Variants in COQ6 observed in about 807,000 individuals in gnomAD.
COQ6 encodes coenzyme Q6, monooxygenase.
In COQ6, 45 loss-of-function variants were observed where a neutral mutation model predicts 55.5. The observed-to-expected ratio is 0.81, with a 90% CI of 0.64 to 1.04. COQ6 has a LOEUF of 1.04. Among genes scored for constraint, COQ6 ranks in the 50% least tolerant of loss-of-function variants. The pLI is 0.00. For synonymous variants in COQ6, 206 were observed against 230.5 expected, an observed-to-expected ratio of 0.89 and a Z score of 0.96; for missense variants, 550 against 601.3, an observed-to-expected ratio of 0.91 and a Z score of 0.89.
chr14:73,952,951 C>T (rs2056257527), intron 1 of COQ6, among the ~76,000 whole-genome samples: 1 of 152,208 alleles, frequency 6.6e-6, no homozygotes, highest in Non-Finnish European at 1.5e-5. Flanking sequence ...GCTGGGATTA[C>T]AGGTGTGAGC....
In COQ6 at chr14:73,961,333, G is replaced by T. The variant is rs767306695; in HGVS notation, c.1052G>T (p.Gly351Val). 6.2e-7 allele frequency: 1 copy of T among 1,614,234 alleles called. No individual in the cohort carries two copies. The highest frequency in any genetic ancestry group is 2.2e-5 in the East Asian group (1 of 44,880). The change falls in exon 9 of 12, where the codon GGA becomes GTA. Residue 351 changes from glycine (G) to valine (V), a missense_variant. By Grantham distance (109) the Gly-to-Val change is moderately radical (BLOSUM62 -3). Transcript: ENST00000334571. ...CGAGTTCTGTTTCCTCTTGGGTTGG[G>T]ACATGCTGCTGAGTACGTCAGGCCT... ...KSRVLFPLGL[G>V]HAAEYVRPRV...
intron 2 of COQ6, among the ~76,000 whole-genome samples, chr14:73,954,987 T>C (rs1425979303): frequency 2.1e-5 from 3 of 142,680 alleles, no homozygotes; most frequent in African/African-American, 7.8e-5. Context: ...AGTCTCGCTC[T>C]GTTGCCCAGG....
chr14:73,950,417 G>A lies in COQ6; in HGVS notation c.85G>A (p.Gly29Ser), dbSNP rs1312822736. Residue 29 changes from glycine (G) to serine (S), a missense_variant, in exon 1 of 12, where the codon GGC (glycine) becomes AGC (serine). Physicochemically the swap from Gly to Ser is moderately conservative, Grantham distance 56. Transcript: ENST00000334571. ...GCTGGTGTCCTGGCGCAGGTGGTCC[G>A]GCGCCTCAACAGACACCGTGTATGA... is the stretch of plus-strand genomic sequence containing the variant. ...GPLVSWRRWS[G>S]ASTDTVYDVV... 1.9e-6 allele frequency: 3 copies of A among 1,600,540 alleles called. No individual in the cohort carries two copies. The highest frequency in any genetic ancestry group is 1.1e-5 in the South Asian group (1 of 88,782).
rs1026983555 is a variant in COQ6, at chr14:73,950,682, C to G, written c.163+187C>G. ...GTGGTCCTTCAGGGTCCATTAGGGTCAAAAGTGGGAGGGGCGTTCAGAGTC... is the reference window on the plus strand; with the variant it reads ...GTGGTCCTTCAGGGTCCATTAGGGTGAAAAGTGGGAGGGGCGTTCAGAGTC... On this transcript the variant is annotated intron_variant, in intron 1 of 11. Coordinates refer to ENST00000334571, the MANE Select transcript of COQ6 (RefSeq NM_182476.3). The G allele has an allele frequency of 2.2e-5, 19 of 858,930 alleles. No individual in the cohort carries two copies. In the African/African-American group the frequency reaches 3.1e-4, roughly 14 times the overall value. 53.2% of individuals were successfully genotyped at this position (858,930 alleles called of 1,614,324 possible). A position where few individuals can be genotyped will look rare whatever the true frequency, so the allele number is the denominator to read the frequency against.
intron 2 of COQ6, 67 bp from the exon 3 acceptor site, chr14:73,955,384 T>TGGAG (rs2056386272): frequency 6.1e-6 from 7 of 1,156,568 alleles, no homozygotes; most frequent in Non-Finnish European, 9.2e-6. Context: ...CGTAACAGGA[T>TGGAG]GGAGGGACAA....
intron 1 of COQ6, among the ~76,000 whole-genome samples, chr14:73,951,932 C>G: frequency 7.4e-6 from 1 of 135,044 alleles, no homozygotes; most frequent in Non-Finnish European, 1.5e-5. Context: ...GAGCTGAGAT[C>G]GCGCCACTGC....
At chr14:73,957,975 G>A (rs1374767513) in intron 4 of COQ6, 172 bp from the exon 5 acceptor site, 2 of 649,356 alleles carry the variant, frequency 3.1e-6, no homozygotes, top group African/African-American at 3.6e-5. Context: ...AGTTATCTCT[G>A]TGGCTTCTGT....
chr14:73,949,955 T>C, upstream of COQ6: 1 of 1,612,900 alleles, frequency 6.2e-7, no homozygotes, highest in South Asian at 1.1e-5. Flanking sequence ...CCGGGGGCAG[T>C]CTCTTTTCTC....
In COQ6 at chr14:73,963,340, T is replaced by G. The variant is rs2056841141; in HGVS notation, c.*341T>G. On this transcript the variant is annotated 3_prime_UTR_variant, in exon 12 of 12. Coordinates refer to ENST00000334571, the MANE Select transcript of COQ6 (RefSeq NM_182476.3). The stretch of plus-strand genomic sequence containing the variant: ...TTTACATTTTGTTTTTGTTTTAATG[T>G]TGGTCATAAATTTATACAGTTGTTT... 4.6e-6 allele frequency: 2 copies of G among 430,618 alleles called. No individual in the cohort carries two copies. The highest frequency in any genetic ancestry group is 8.2e-6 in the Non-Finnish European group (2 of 244,458). 26.7% of individuals were successfully genotyped at this position (430,618 alleles called of 1,614,324 possible). A position where few individuals can be genotyped will look rare whatever the true frequency, so the allele number is the denominator to read the frequency against.
intron 4 of COQ6, 116 bp from the exon 5 acceptor site, chr14:73,958,025 TTTAATC>T: frequency 1.2e-6 from 1 of 827,804 alleles, no homozygotes; most frequent in Non-Finnish European, 2.1e-6. Context: ...TACTGATTTT[TTTAATC>T]TTAAATGACA....
chr14:73,958,196 T>G lies in COQ6; in HGVS notation c.531T>G (p.Pro177=), dbSNP rs759923799. 5.0e-6 allele frequency: 8 copies of G among 1,614,032 alleles called. No individual in the cohort carries two copies. Among genetic ancestry groups the G allele is most frequent in the African/African-American group, 1.3e-5 (1 of 74,914 alleles). Residue 177 remains proline, a synonymous_variant, in exon 5 of 12, where the codon CCT becomes CCG. Transcript: ENST00000334571. ...YRSKAIRYTW[P]CPFPMADSSP... ...GCAAAGCCATTCGCTATACCTGGCC[T>G]TGTCCATTTCCTATGGCCGACTCCA...
At position 73,959,082 on chromosome 14, in the gene COQ6, AGATCCTGAGCTGCCATCTGGG is replaced by A; in HGVS notation, c.720+7_720+27del. The A allele has an allele frequency of 6.2e-7, 1 of 1,614,190 alleles. No homozygotes were observed. Among genetic ancestry groups the A allele is most frequent in the Non-Finnish European group, 8.5e-7 (1 of 1,180,034 alleles). ...GGCTACTCTGCATTTATCAGAGGTA[AGATCCTGAGCTGCCATCTGGG>A]GACTTTATTCATAGGCACTAGGTAC... On this transcript the variant is annotated splice_donor_5th_base_variant and intron_variant, in intron 6 of 11. Transcript: ENST00000334571.
At position 73,955,751 on chromosome 14, in the gene COQ6, T is replaced by C. The variant is rs917701868; in HGVS notation, c.358-54T>C. 4.3e-6 allele frequency: 7 copies of C among 1,613,526 alleles called. No individual in the cohort carries two copies. In the Admixed American group the frequency reaches 1.2e-4, roughly 27 times the overall value. ...TTGGGAAAGCAATATTGTTTCTGATTGGAGTGATGTTTCCCTCTTGGTTTT... is the reference window on the plus strand; with the variant it reads ...TTGGGAAAGCAATATTGTTTCTGATCGGAGTGATGTTTCCCTCTTGGTTTT... On this transcript the variant is annotated intron_variant, in intron 3 of 11. Coordinates refer to ENST00000334571, the MANE Select transcript of COQ6 (RefSeq NM_182476.3).
chr14:73,956,440 C>G (rs2056443035), intron 4 of COQ6: 1 of 162,644 alleles, frequency 6.1e-6, no homozygotes, highest in Non-Finnish European at 1.4e-5. Context: ...AGCTGCCAAA[C>G]TTTTCTGAAG....
At chr14:73,954,974 C>T (rs1175722725) in intron 2 of COQ6, among the ~76,000 whole-genome samples, 52 of 114,592 alleles carry the variant, frequency 4.5e-4, no homozygotes, top group African/African-American at 1.6e-3. Context: ...TTTTTTGAGA[C>T]GGAGTCTCGC....
upstream of COQ6, chr14:73,950,294 C>T (rs2140355430): frequency 6.5e-7 from 1 of 1,541,988 alleles, no homozygotes; most frequent in Non-Finnish European, 8.7e-7. Context: ...CGTAGGTGGG[C>T]CTGCGGGAGT....
At chr14:73,954,961 T>A (rs868291773) in intron 2 of COQ6, among the ~76,000 whole-genome samples, 6,040 of 143,826 alleles carry the variant, frequency 0.042, 507 homozygotes, top group African/African-American at 0.15. Flanking sequence ...TTTATTTTTT[T>A]TTTTTTTTGA....
intron 1 of COQ6, among the ~76,000 whole-genome samples, chr14:73,952,569 C>T (rs929874826): frequency 6.6e-6 from 1 of 151,946 alleles, no homozygotes; most frequent in Admixed American, 6.6e-5. Context: ...GACAGGGTCT[C>T]GCCATGTTGC....
At chr14:73,960,156 C>T in intron 8 of COQ6, 1 of 988,222 alleles carries the variant, frequency 1.0e-6, no homozygotes, top group Non-Finnish European at 1.2e-6. Context: ...AAGCCTGATT[C>T]ATTGAAAGTA....
Sources: gnomAD v4.1 joint callset for allele counts (sites outside exome capture counted in the v4.1 genomes callset) on GRCh38, gnomAD v4.1.1 for gene constraint, MANE v1.5 for transcripts, NCBI Gene and HGNC (gene_info 2026-07-23, HGNC 2026-07-21) for gene names.